The following PTPRN2 variants were observed in gnomAD, a reference collection of about 807,000 sequenced individuals.
The protein encoded by PTPRN2 is protein tyrosine phosphatase receptor type N2, also known as receptor-type tyrosine-protein phosphatase N2.
PTPRN2 carries 74 observed loss-of-function variants against 118.8 expected under a neutral mutation model. That is an observed-to-expected ratio of 0.62 (90% CI 0.52 to 0.76). PTPRN2 has a LOEUF of 0.76. PTPRN2 is among the 30% of genes least tolerant of loss of function. The pLI, the probability that PTPRN2 is intolerant of heterozygous loss-of-function variation, is 0.00. For synonymous variants in PTPRN2, 641 were observed against 608.0 expected (o/e 1.05, Z -0.80); for missense variants, 1,481 against 1,394.4 (o/e 1.06, Z -0.99).
intron 1 of PTPRN2, among the ~76,000 whole-genome samples, chr7:158,519,660 G>A (rs1823837675): frequency 6.6e-6 from 1 of 152,084 alleles, no homozygotes; most frequent in South Asian, 2.1e-4. Context: ...GAATCTAGTG[G>A]CCATACAACA....
chr7:157,717,073 A>C, intron 12 of PTPRN2, among the ~76,000 whole-genome samples: 1 of 151,486 alleles, frequency 6.6e-6, no homozygotes, highest in African/African-American at 2.4e-5. Context: ...CTCTGCAGGA[A>C]CACTGCCTGG....
intron 3 of PTPRN2, among the ~76,000 whole-genome samples, chr7:158,256,645 A>G (rs9692032): frequency 0.24 from 35,771 of 151,882 alleles, 5,355 homozygotes; most frequent in African/African-American, 0.41. Flanking sequence ...GGCAGGACTC[A>G]AGCAGCTGGG....
At chr7:158,175,498 T>C (rs1231600410) in intron 5 of PTPRN2, among the ~76,000 whole-genome samples, 1 of 152,170 alleles carries the variant, frequency 6.6e-6, no homozygotes, top group Non-Finnish European at 1.5e-5. Flanking sequence ...GTCTCTGTCT[T>C]AACACAGTAG....
chr7:158,112,636 A>G (rs1445061404), intron 9 of PTPRN2, among the ~76,000 whole-genome samples: 1 of 152,214 alleles, frequency 6.6e-6, no homozygotes, highest in Non-Finnish European at 1.5e-5. Flanking sequence ...AGGAGTTTAC[A>G]TCCTGCACAC....
chr7:157,818,478 C>T (rs1806579490), intron 12 of PTPRN2, among the ~76,000 whole-genome samples: 1 of 149,492 alleles, frequency 6.7e-6, no homozygotes, highest in Non-Finnish European at 1.5e-5. Context: ...GCTACATCTT[C>T]AACGATGAGG....
At chr7:157,759,892 C>T (rs1802028444) in intron 12 of PTPRN2, among the ~76,000 whole-genome samples, 1 of 152,170 alleles carries the variant, frequency 6.6e-6, no homozygotes, top group Non-Finnish European at 1.5e-5. Context: ...GAACACAAGT[C>T]CAGCACTCAC....
chr7:158,285,408 G>A (rs1053739830), intron 3 of PTPRN2, among the ~76,000 whole-genome samples: 1 of 152,134 alleles, frequency 6.6e-6, no homozygotes, highest in Non-Finnish European at 1.5e-5. Flanking sequence ...TCCTCAGAAG[G>A]ACAGGGATGT....
chr7:158,119,128 C>A (rs902904375), intron 9 of PTPRN2, among the ~76,000 whole-genome samples: 1 of 152,020 alleles, frequency 6.6e-6, no homozygotes, highest in African/African-American at 2.4e-5. Flanking sequence ...TTTAAGAAAC[C>A]TCATAATGTA....
chr7:157,718,918 C>T (rs1027362179), intron 12 of PTPRN2, among the ~76,000 whole-genome samples: 6 of 152,202 alleles, frequency 3.9e-5, no homozygotes, highest in African/African-American at 7.2e-5. Flanking sequence ...CAGGTGGCAG[C>T]GCTACTGTAG....
Position 158,110,906 on chromosome 7 carries a change from G to T in PTPRN2, c.1566C>A (p.Arg522=), listed in dbSNP as rs1159108885. ...GYIVTDRDPL[R]PEEGRRLVED... is the part of the protein sequence containing the mutation. ...CCACCAGCCGCCTTCCTTCCTCGGG[G>T]CGCAGGGGGCTGCGGATGACAGCAG... is the stretch of plus-strand genomic sequence containing the variant. Residue 522 remains arginine, a synonymous_variant, in exon 10 of 23, where the codon CGC becomes CGA. Coordinates refer to ENST00000389418, the MANE Select transcript of PTPRN2 (RefSeq NM_002847.5). The T allele has an allele frequency of 3.2e-6, 5 of 1,565,114 alleles. No homozygotes were observed. The highest frequency in any genetic ancestry group is 4.3e-6 in the Non-Finnish European group (5 of 1,156,090).
At chr7:158,556,711 G>C (rs1251598533) in intron 1 of PTPRN2, among the ~76,000 whole-genome samples, 1 of 149,664 alleles carries the variant, frequency 6.7e-6, no homozygotes, top group African/African-American at 2.5e-5. Context: ...AGGTCAGACG[G>C]CTCCCGGGCA....
At chr7:158,132,953 TGAA>T (rs1180237434) in intron 9 of PTPRN2, among the ~76,000 whole-genome samples, 3 of 152,268 alleles carry the variant, frequency 2.0e-5, no homozygotes, top group South Asian at 4.1e-4. Context: ...TTCTATCACT[TGAA>T]GAAAACACAA....
chr7:158,338,568 C>G (rs539694809), intron 2 of PTPRN2, among the ~76,000 whole-genome samples: 181 of 73,620 alleles, frequency 2.5e-3, no homozygotes, highest in African/African-American at 0.011. Flanking sequence ...CACCTGCAGA[C>G]GTCACTCACA....
Position 158,066,103 on chromosome 7 carries a change from T to A in PTPRN2, c.1723+15195A>T, listed in dbSNP as rs537809740. On this transcript the variant is annotated intron_variant, in intron 11 of 22. Transcript: ENST00000389418. ...CCATTTATTTCCTCTGAAAATCACA[T>A]AATATGCTGCTTTGTTTCTCTAGCA... 2.0e-5 allele frequency among the ~76,000 whole-genome samples: 3 copies of A among 152,314 alleles called. No individual in the cohort carries two copies. In the South Asian group the frequency reaches 6.2e-4, roughly 32 times the overall value.
chr7:158,295,052 A>G, intron 3 of PTPRN2, among the ~76,000 whole-genome samples: 1 of 142,578 alleles, frequency 7.0e-6, no homozygotes, highest in Non-Finnish European at 1.5e-5. Flanking sequence ...GTCCAAGCCC[A>G]TGGCGCCCGC....
intron 11 of PTPRN2, among the ~76,000 whole-genome samples, chr7:158,056,332 G>C (rs1037296466): frequency 2.6e-5 from 4 of 152,236 alleles, no homozygotes; most frequent in African/African-American, 9.6e-5. Flanking sequence ...GAGCAGGGGG[G>C]CACACCTGGC....
At chr7:158,489,167 C>T (rs546532263) in intron 2 of PTPRN2, among the ~76,000 whole-genome samples, 154 of 152,358 alleles carry the variant, frequency 1.0e-3, no homozygotes, top group African/African-American at 3.6e-3. Flanking sequence ...AAAACCTGGC[C>T]GGGCGCGGTG....
chr7:158,315,826 C>T (rs541305883), intron 3 of PTPRN2, among the ~76,000 whole-genome samples: 1 of 152,350 alleles, frequency 6.6e-6, no homozygotes, highest in Non-Finnish European at 1.5e-5. Flanking sequence ...TGTGAATGTT[C>T]TCCAAAGAGT....
chr7:158,276,199 T>A, intron 3 of PTPRN2, among the ~76,000 whole-genome samples: 1 of 129,496 alleles, frequency 7.7e-6, no homozygotes, highest in East Asian at 2.3e-4. Context: ...GCACAGCTCC[T>A]GCCCTGGCCC....
Sources: gnomAD v4.1 joint callset for allele counts (sites outside exome capture counted in the v4.1 genomes callset) on GRCh38, gnomAD v4.1.1 for gene constraint, MANE v1.5 for transcripts, NCBI Gene and HGNC (gene_info 2026-07-23, HGNC 2026-07-21) for gene names.